SUPT3H: variants seen among roughly 807,000 people sequenced by gnomAD.
The protein encoded by SUPT3H is SPT3 homolog, SAGA and STAGA complex component.
SUPT3H carries 44 observed loss-of-function variants against 44.3 expected under a neutral mutation model. The observed-to-expected ratio is 0.99, with a 90% CI of 0.78 to 1.28. The LOEUF (loss-of-function observed/expected upper bound fraction) is 1.28, where lower values mean the gene tolerates loss of function less well. Among genes scored for constraint, SUPT3H ranks in the 50% most tolerant of loss-of-function variants. The pLI is 0.00. For missense variants in SUPT3H, 380 were observed against 387.1 expected, an observed-to-expected ratio of 0.98 and a Z score of 0.15; for synonymous variants, 124 against 125.6, an observed-to-expected ratio of 0.99 and a Z score of 0.09.
intron 2 of SUPT3H, among the ~76,000 whole-genome samples, chr6:45,230,632 T>C (rs1767790219): frequency 8.1e-6 from 1 of 123,816 alleles, no homozygotes; most frequent in African/African-American, 2.8e-5. Context: ...AGTAAACATA[T>C]AGTGAAATCA....
At chr6:44,886,580 C>G (rs1762326622) in intron 10 of SUPT3H, among the ~76,000 whole-genome samples, 1 of 152,090 alleles carries the variant, frequency 6.6e-6, no homozygotes, top group African/African-American at 2.4e-5. Context: ...GAGATTTTGT[C>G]ACCACCAGGC....
chr6:44,941,778 C>T (rs1329715), intron 9 of SUPT3H, among the ~76,000 whole-genome samples: 18,089 of 152,094 alleles, frequency 0.12, 1,430 homozygotes, highest in East Asian at 0.27. Context: ...GCTTGTAATA[C>T]ACGTAGTGAG....
chr6:45,100,824 T>C (rs1798466167), intron 3 of SUPT3H, among the ~76,000 whole-genome samples: 1 of 152,172 alleles, frequency 6.6e-6, no homozygotes, highest in African/African-American at 2.4e-5. Context: ...AATTACCATA[T>C]GATCCAGCAA....
chr6:45,322,739 A>G lies in SUPT3H; in HGVS notation c.101+42462T>C, dbSNP rs538273838. On this transcript the variant is annotated intron_variant, in intron 2 of 10. Transcript: ENST00000371459. ...ATGCAAATAAAAGAACTGTCAAGAC[A>G]TGTATTCCTAAAAATAAGCCTACAA... is the stretch of plus-strand genomic sequence containing the variant. The G allele has an allele frequency of 4.3e-5, 27 of 631,674 alleles. 1 individual carries two copies. The South Asian group carries it at 5.2e-4, about 12-fold the overall frequency. 39.1% of individuals were successfully genotyped at this position (631,674 alleles called of 1,614,324 possible).
intron 2 of SUPT3H, among the ~76,000 whole-genome samples, chr6:45,187,353 T>C (rs930505386): frequency 7.3e-5 from 11 of 151,030 alleles, no homozygotes; most frequent in African/African-American, 2.7e-4. Context: ...AGGTGGAAGT[T>C]GCAATGAGCC....
At chr6:45,328,890 C>T in intron 2 of SUPT3H, 4 of 1,130,024 alleles carry the variant, frequency 3.5e-6, no homozygotes, top group Non-Finnish European at 4.0e-6. Context: ...ATTAAAGATC[C>T]TAATTATGCT....
At chr6:45,369,197 C>T (rs1483730278) in intron 1 of SUPT3H, among the ~76,000 whole-genome samples, 8 of 152,016 alleles carry the variant, frequency 5.3e-5, no homozygotes, top group Non-Finnish European at 1.0e-4. Flanking sequence ...TTTTCTACCA[C>T]AGTCAAATCA....
intron 2 of SUPT3H, among the ~76,000 whole-genome samples, chr6:45,188,552 C>A (rs1814626539): frequency 6.6e-6 from 1 of 152,126 alleles, no homozygotes; most frequent in African/African-American, 2.4e-5. Context: ...ATGTATCCTG[C>A]ACAGATAAGG....
At chr6:44,845,936 G>A (rs931369870) in intron 10 of SUPT3H, among the ~76,000 whole-genome samples, 1 of 152,230 alleles carries the variant, frequency 6.6e-6, no homozygotes, top group Non-Finnish European at 1.5e-5. Context: ...CGATAAGGCA[G>A]GGGTCTAATT....
intron 2 of SUPT3H, among the ~76,000 whole-genome samples, chr6:45,290,332 G>A (rs975910043): frequency 6.6e-6 from 1 of 151,760 alleles, no homozygotes; most frequent in Admixed American, 6.6e-5. Context: ...CCTTGGAGTT[G>A]GTCAATTTAA....
intron 2 of SUPT3H, among the ~76,000 whole-genome samples, chr6:45,315,621 A>G (rs918965914): frequency 6.6e-6 from 1 of 152,146 alleles, no homozygotes; most frequent in Non-Finnish European, 1.5e-5. Context: ...AAAGAATCAA[A>G]ACACAGTAGA....
intron 2 of SUPT3H, among the ~76,000 whole-genome samples, chr6:45,238,219 T>C (rs560914901): frequency 6.6e-6 from 1 of 152,204 alleles, no homozygotes; most frequent in Non-Finnish European, 1.5e-5. Context: ...TCCAATGTTA[T>C]GATCACTTGC....
intron 2 of SUPT3H, among the ~76,000 whole-genome samples, chr6:45,153,930 C>T (rs953733910): frequency 2.6e-5 from 4 of 151,998 alleles, no homozygotes; most frequent in Admixed American, 1.3e-4. Flanking sequence ...ATTAGCCAGG[C>T]GTGCTAGTGC....
intron 3 of SUPT3H, among the ~76,000 whole-genome samples, chr6:45,029,188 T>C (rs1393674080): frequency 6.6e-6 from 1 of 151,804 alleles, no homozygotes; most frequent in African/African-American, 2.4e-5. Flanking sequence ...GCCTAACTTT[T>C]TAGAGTTTCA....
At chr6:45,325,460 T>C (rs1323589867) in intron 2 of SUPT3H, among the ~76,000 whole-genome samples, 1 of 151,852 alleles carries the variant, frequency 6.6e-6, no homozygotes, top group Non-Finnish European at 1.5e-5. Flanking sequence ...TACAAAGCAA[T>C]GGAGAAGCAA....
intron 6 of SUPT3H, among the ~76,000 whole-genome samples, chr6:44,974,830 A>AT (rs1322788374): frequency 6.6e-6 from 1 of 152,170 alleles, no homozygotes; most frequent in Non-Finnish European, 1.5e-5. Flanking sequence ...TCTGATAAAA[A>AT]TTCTATACCC....
chr6:45,062,615 A>G (rs7763716), intron 3 of SUPT3H, among the ~76,000 whole-genome samples: 149,110 of 152,204 alleles, frequency 0.98, 73,022 homozygotes, highest in East Asian at 1. Flanking sequence ...CACCATGCGC[A>G]AGCCGAAGCA....
intron 3 of SUPT3H, among the ~76,000 whole-genome samples, chr6:45,065,448 A>T (rs1360477228): frequency 6.7e-6 from 1 of 149,152 alleles, no homozygotes; most frequent in African/African-American, 2.5e-5. Context: ...GAAGGCAAGA[A>T]ATAACTAAAA....
At chr6:45,372,104 T>G in intron 1 of SUPT3H, 2 of 819,418 alleles carry the variant, frequency 2.4e-6, no homozygotes, top group Non-Finnish European at 2.9e-6. Context: ...GAAATATTAA[T>G]ATCTGACTAT....
Sources: gnomAD v4.1 joint callset for allele counts (sites outside exome capture counted in the v4.1 genomes callset) on GRCh38, gnomAD v4.1.1 for gene constraint, MANE v1.5 for transcripts, NCBI Gene and HGNC (gene_info 2026-07-23, HGNC 2026-07-21) for gene names.